Variants in APBB2 observed in about 807,000 individuals in gnomAD.
The protein encoded by APBB2 is Fe65-like 1.
Under a neutral mutation model 82.5 loss-of-function variants are expected in APBB2, and 38 were observed. The ratio of observed to expected loss-of-function variants is 0.46; its 90% CI spans 0.36 to 0.60. The LOEUF is 0.60. Among genes scored for constraint, APBB2 ranks in the 20% least tolerant of loss-of-function variants. The pLI, the probability that APBB2 is intolerant of heterozygous loss-of-function variation, is 0.00. For missense variants in APBB2, 772 were observed against 972.3 expected (o/e 0.79, Z 2.74); for synonymous variants, 341 against 368.2 (o/e 0.93, Z 0.85).
intron 4 of APBB2, among the ~76,000 whole-genome samples, chr4:41,054,152 G>A (rs1465046189): frequency 6.6e-6 from 1 of 152,178 alleles, no homozygotes; most frequent in Admixed American, 6.5e-5. Flanking sequence ...ACCTCATGGT[G>A]ACATGAAGGC....
At chr4:40,904,388 G>A (rs993273401) in intron 10 of APBB2, among the ~76,000 whole-genome samples, 6 of 151,872 alleles carry the variant, frequency 4.0e-5, no homozygotes, top group African/African-American at 1.5e-4. Flanking sequence ...CCGAGATGGC[G>A]CCACTGCACT....
intron 6 of APBB2, among the ~76,000 whole-genome samples, chr4:40,995,355 G>C (rs1472757826): frequency 1.3e-5 from 2 of 151,994 alleles, no homozygotes; most frequent in Non-Finnish European, 2.9e-5. Flanking sequence ...TCGAGAAGTT[G>C]ATTAATAAGT....
intron 10 of APBB2, among the ~76,000 whole-genome samples, chr4:40,920,050 G>A (rs960697830): frequency 1.3e-5 from 2 of 152,140 alleles, no homozygotes; most frequent in Non-Finnish European, 2.9e-5. Context: ...GCTCGGGTAT[G>A]TCATTAATAT....
Position 40,813,596 on chromosome 4 carries a change from CTGCAAAGTTT to C in APBB2, c.*2486_*2495del, listed in dbSNP as rs1205374890. ...CAATGCCATTTTCAAAACAAAACGT[CTGCAAAGTTT>C]TCAATATGTAAAGGCTATCATTCAT... On this transcript the variant is annotated 3_prime_UTR_variant, in exon 18 of 18. Coordinates refer to ENST00000508593, the MANE Select transcript of APBB2 (RefSeq NM_004307.2). The C allele has an allele frequency of 6.6e-6, 1 of 152,186 alleles. No individual in the cohort carries two copies. Among genetic ancestry groups the C allele is most frequent in the Admixed American group, 6.5e-5 (1 of 15,274 alleles). 9.4% of individuals were successfully genotyped at this position (152,186 alleles called of 1,614,324 possible).
intron 10 of APBB2, among the ~76,000 whole-genome samples, chr4:40,907,724 GGGTGAAAT>G (rs1777424331): frequency 6.9e-6 from 1 of 145,680 alleles, no homozygotes; most frequent in Admixed American, 7.0e-5. Context: ...TTCCAGGCTA[GGGTGAAAT>G]GGCGCGATCT....
At chr4:41,157,422 G>A (rs545038618) in intron 1 of APBB2, among the ~76,000 whole-genome samples, 6 of 152,268 alleles carry the variant, frequency 3.9e-5, no homozygotes, top group East Asian at 3.9e-4. Context: ...GAACTAGAGC[G>A]AAAGAAGCCC....
chr4:40,899,528 T>C (rs16852597), intron 10 of APBB2, among the ~76,000 whole-genome samples: 6,852 of 152,100 alleles, frequency 0.045, 503 homozygotes, highest in African/African-American at 0.16. Context: ...TGGTCTTGGG[T>C]TCGAATTATA....
chr4:40,939,431 A>AAAAGCAGTTTG (rs369782498), intron 7 of APBB2, among the ~76,000 whole-genome samples: 163 of 152,328 alleles, frequency 1.1e-3, no homozygotes, highest in African/African-American at 3.5e-3. Context: ...CCACGAAAGA[A>AAAAGCAGTTTG]AAAGCAGTTT....
At chr4:41,033,571 A>G (rs1717878703) in intron 4 of APBB2, among the ~76,000 whole-genome samples, 2 of 129,698 alleles carry the variant, frequency 1.5e-5, no homozygotes, top group Admixed American at 8.6e-5. Context: ...CAAGTTTCCA[A>G]TGCTTTTTCT....
At position 40,980,963 on chromosome 4, in the gene APBB2, A is replaced by G. The variant is rs528797601; in HGVS notation, c.835+32620T>C. On this transcript the variant is annotated intron_variant, in intron 6 of 17. Coordinates refer to ENST00000508593, the MANE Select transcript of APBB2 (RefSeq NM_004307.2). ...CAATGAAGATTCTTGGGCCCAATTA[A>G]AGACCCCGCTGAATCAGAATCTCTC... Among the ~76,000 whole-genome samples, 52 of 152,302 alleles carry G rather than the reference A, an allele frequency of 3.4e-4. 2 individuals are homozygous for G. In the South Asian group the frequency reaches 0.01, roughly 30 times the overall value.
At chr4:41,008,352 A>G (rs1403038237) in intron 6 of APBB2, among the ~76,000 whole-genome samples, 1 of 152,208 alleles carries the variant, frequency 6.6e-6, no homozygotes, top group Non-Finnish European at 1.5e-5. Context: ...TATGTAGCCA[A>G]TGCCAAAACC....
intron 3 of APBB2, among the ~76,000 whole-genome samples, chr4:41,072,001 G>T (rs547756437): frequency 9.8e-5 from 14 of 143,070 alleles, no homozygotes; most frequent in Non-Finnish European, 2.1e-4. Flanking sequence ...ACCACAAAGA[G>T]AGCTGGATGG....
chr4:40,848,233 G>A (rs532494038), intron 12 of APBB2, among the ~76,000 whole-genome samples: 6 of 152,328 alleles, frequency 3.9e-5, no homozygotes, highest in South Asian at 2.1e-4. Flanking sequence ...TAACAGTAGC[G>A]GCTCCTGGCT....
At chr4:41,018,275 T>C (rs1360832413) in intron 5 of APBB2, among the ~76,000 whole-genome samples, 2 of 152,152 alleles carry the variant, frequency 1.3e-5, no homozygotes, top group Non-Finnish European at 2.9e-5. Context: ...CCAAGGAACA[T>C]AAAGTTCCTA....
chr4:41,129,169 G>A (rs1458047517), intron 2 of APBB2, among the ~76,000 whole-genome samples: 1 of 152,128 alleles, frequency 6.6e-6, no homozygotes, highest in Non-Finnish European at 1.5e-5. Context: ...AGCAGGAAGA[G>A]CCATCTATTC....
intron 1 of APBB2, among the ~76,000 whole-genome samples, chr4:41,169,183 CAAAAAAAAAAAAA>C (rs60032221): frequency 1.6e-5 from 1 of 60,726 alleles, no homozygotes; most frequent in Admixed American, 2.1e-4. Context: ...CACTCCGTCT[CAAAAAAAAAAAAA>C]AAAAAAAAAG....
chr4:41,010,224 T>G (rs1432708734), intron 6 of APBB2, among the ~76,000 whole-genome samples: 2 of 152,212 alleles, frequency 1.3e-5, no homozygotes, highest in Non-Finnish European at 2.9e-5. Flanking sequence ...TCTAGTATAT[T>G]TTTTAAAAAC....
At chr4:40,858,477 A>AAAAAAAAAAAAAAAAAC (rs1761999928) in intron 12 of APBB2, among the ~76,000 whole-genome samples, 1 of 146,358 alleles carries the variant, frequency 6.8e-6, no homozygotes. Flanking sequence ...AAAAAAAAAA[A>AAAAAAAAAAAAAAAAAC]AGAGCAAAAT....
chr4:41,208,343 C>A (rs1001825505), intron 1 of APBB2, among the ~76,000 whole-genome samples: 1 of 152,234 alleles, frequency 6.6e-6, no homozygotes, highest in African/African-American at 2.4e-5. Flanking sequence ...CTCACAGCAA[C>A]CTCCACCTCC....
Sources: allele counts gnomAD v4.1 joint callset (sites outside exome capture counted in the v4.1 genomes callset), GRCh38; gene constraint gnomAD v4.1.1; transcripts MANE v1.5; gene names NCBI Gene and HGNC (gene_info 2026-07-23, HGNC 2026-07-21).